ACACA: variants seen among roughly 807,000 people sequenced by gnomAD.
The protein encoded by ACACA is acetyl-CoA carboxylase 1.
Under a neutral mutation model 296.1 loss-of-function variants are expected in ACACA, and 103 were observed. The ratio of observed to expected loss-of-function variants is 0.35; its 90% CI spans 0.30 to 0.41. The LOEUF (loss-of-function observed/expected upper bound fraction) is 0.41, where lower values mean the gene tolerates loss of function less well. ACACA is among the 10% of genes least tolerant of loss of function. ACACA has a pLI of 1.00. For synonymous variants in ACACA, 953 were observed against 1,038.6 expected, an observed-to-expected ratio of 0.92 and a Z score of 1.58; for missense variants, 1,554 against 2,989.7, an observed-to-expected ratio of 0.52 and a Z score of 11.20.
In ACACA at chr17:37,149,870, G is replaced by A. The variant is rs1213055681; in HGVS notation, c.5673C>T (p.Leu1891=). The A allele has an allele frequency of 6.2e-6, 10 of 1,613,758 alleles. No individual in the cohort carries two copies. The highest frequency in any genetic ancestry group is 7.6e-6 in the Non-Finnish European group (9 of 1,179,682). Residue 1891 remains leucine, a synonymous_variant, in exon 45 of 56, where the codon CTC becomes CTT. Transcript: ENST00000616317. ...SHLILTGAGA[L]NKVLGREVYT... The stretch of plus-strand genomic sequence containing the variant: ...CAAAACCCTAGAAACTTACTTTGTT[G>A]AGGGCTCCAGCTCCTGTTAGAATTA...
chr17:37,279,345 T>G (rs2082403117), intron 5 of ACACA, among the ~76,000 whole-genome samples: 1 of 152,178 alleles, frequency 6.6e-6, no homozygotes, highest in African/African-American at 2.4e-5. Flanking sequence ...ATTTTAAAAG[T>G]GAAAATTGGC....
chr17:37,161,911 GAAGCTCTGAGA>G lies in ACACA; in HGVS notation c.5208_5218del (p.Leu1737ArgfsTer4). The G allele has an allele frequency of 6.2e-7, 1 of 1,614,166 alleles. No homozygotes were observed. Among genetic ancestry groups the G allele is most frequent in the Non-Finnish European group, 8.5e-7 (1 of 1,180,022 alleles). On this transcript the variant is annotated frameshift_variant, in exon 42 of 56. Transcript: ENST00000616317. LOFTEE classifies it high-confidence loss of function. The stretch of plus-strand genomic sequence containing the variant: ...AATACCTTCTGCCCTAGCAAGTTCG[GAAGCTCTGAGA>G]AATAACAAATCCTCTTGAGGCCCAA...
intron 39 of ACACA, among the ~76,000 whole-genome samples, chr17:37,181,837 T>C (rs2077332222): frequency 7.1e-6 from 1 of 139,962 alleles, no homozygotes; most frequent in Admixed American, 7.8e-5. Context: ...GAGGTGGAGC[T>C]TGCAGTGAGC....
At chr17:37,160,182 G>C (rs2076404691) in intron 42 of ACACA, among the ~76,000 whole-genome samples, 1 of 152,164 alleles carries the variant, frequency 6.6e-6, no homozygotes, top group Non-Finnish European at 1.5e-5. Flanking sequence ...GACTGGAGGG[G>C]TGTTTGTATG....
At chr17:37,317,183 T>C (rs551497852) in intron 3 of ACACA, among the ~76,000 whole-genome samples, 1 of 152,268 alleles carries the variant, frequency 6.6e-6, no homozygotes, top group Non-Finnish European at 1.5e-5. Flanking sequence ...TCTATATGTA[T>C]ATTTTTAATG....
At chr17:37,193,338 T>A (rs574645615) in intron 36 of ACACA, 36 bp downstream of exon 36, 2 of 1,095,278 alleles carry the variant, frequency 1.8e-6, no homozygotes, top group South Asian at 1.6e-5. Context: ...GAAAAAGTAA[T>A]TTTTTTTTTT....
At chr17:37,087,832 AC>A (rs1216945884) in intron 55 of ACACA, among the ~76,000 whole-genome samples, 1 of 152,198 alleles carries the variant, frequency 6.6e-6, no homozygotes, top group African/African-American at 2.4e-5. Context: ...CTGAGTGGTG[AC>A]TGGTAATTGT....
At chr17:37,132,366 G>C (rs766870942) in intron 45 of ACACA, among the ~76,000 whole-genome samples, 6 of 152,102 alleles carry the variant, frequency 3.9e-5, no homozygotes, top group Non-Finnish European at 8.8e-5. Context: ...CTGTTGATGC[G>C]GGAGCCTGGT....
Position 37,089,312 on chromosome 17 carries a change from G to A in ACACA, c.6892-238C>T, listed in dbSNP as rs551128648. On this transcript the variant is annotated intron_variant, in intron 54 of 55. Transcript: ENST00000616317. ...CCTGAAGTCTCCATGGGGCTCTCCC[G>A]AGCACTCTGGTGCTCATACCCTGAC... Among the ~76,000 whole-genome samples the A allele has an allele frequency of 1.5e-3, 222 of 152,312 alleles. 1 individual carries two copies. The highest frequency in any genetic ancestry group is 5.2e-3 in the African/African-American group (217 of 41,556).
chr17:37,166,919 C>T (rs1598039108), intron 41 of ACACA, among the ~76,000 whole-genome samples: 1 of 152,066 alleles, frequency 6.6e-6, no homozygotes, highest in African/African-American at 2.4e-5. Flanking sequence ...AATTAAGTAA[C>T]CTGTCCTTAT....
chr17:37,156,053 CTT>C (rs60787242), intron 42 of ACACA, among the ~76,000 whole-genome samples: 5 of 94,004 alleles, frequency 5.3e-5, no homozygotes, highest in Non-Finnish European at 9.5e-5. Flanking sequence ...TTCTTTCTTT[CTT>C]TTTTTTTTTT....
At chr17:37,338,434 A>T (rs943020927) in intron 2 of ACACA, among the ~76,000 whole-genome samples, 1 of 152,034 alleles carries the variant, frequency 6.6e-6, no homozygotes, top group African/African-American at 2.4e-5. Context: ...AGGCAGGTAG[A>T]TCACCTGAGG....
At chr17:37,177,253 TA>T (rs1264033418) in intron 41 of ACACA, among the ~76,000 whole-genome samples, 1 of 145,000 alleles carries the variant, frequency 6.9e-6, no homozygotes, top group African/African-American at 2.6e-5. Context: ...AAAAAACCTT[TA>T]ATTTTTAAAA....
At chr17:37,228,284 C>T (rs565759092) in intron 25 of ACACA, among the ~76,000 whole-genome samples, 1 of 144,416 alleles carries the variant, frequency 6.9e-6, no homozygotes, top group South Asian at 2.2e-4. Flanking sequence ...CAGAGGTCTG[C>T]TCTGACTGTC....
intron 1 of ACACA, chr17:37,360,538 G>A (rs1251514491): frequency 6.6e-6 from 1 of 152,234 alleles, no homozygotes; most frequent in Non-Finnish European, 1.5e-5. Flanking sequence ...TACCTGGACT[G>A]TAGTCCCACC....
chr17:37,178,430 G>GA (rs2077198678), intron 41 of ACACA, among the ~76,000 whole-genome samples: 1 of 152,148 alleles, frequency 6.6e-6, no homozygotes, highest in African/African-American at 2.4e-5. Context: ...ATTGAGCATG[G>GA]AGAAGACACT....
chr17:37,354,615 A>C (rs1436174217), intron 1 of ACACA, among the ~76,000 whole-genome samples: 8 of 152,190 alleles, frequency 5.3e-5, no homozygotes, highest in African/African-American at 1.4e-4. Context: ...TACAGTACTC[A>C]TTACAGTTTT....
intron 3 of ACACA, among the ~76,000 whole-genome samples, chr17:37,288,612 A>G (rs555072476): frequency 6.6e-6 from 1 of 152,270 alleles, no homozygotes; most frequent in Admixed American, 6.5e-5. Context: ...TAAAAGGTGA[A>G]CTTGGCCTGG....
chr17:37,179,170 T>A (rs1319781685), intron 41 of ACACA, 90 bp downstream of exon 41: 32 of 1,508,558 alleles, frequency 2.1e-5, no homozygotes, highest in Non-Finnish European at 2.6e-5. Flanking sequence ...AAGACTACCA[T>A]GCTCCAGTGC....
Sources: gnomAD v4.1 joint callset for allele counts (sites outside exome capture counted in the v4.1 genomes callset) on GRCh38, gnomAD v4.1.1 for gene constraint, MANE v1.5 for transcripts, NCBI Gene and HGNC (gene_info 2026-07-23, HGNC 2026-07-21) for gene names.